The following STPG2 variants were observed in gnomAD, a reference collection of about 807,000 sequenced individuals.
The protein encoded by STPG2 is sperm-tail PG-rich repeat-containing protein 2.
In STPG2, 56 loss-of-function variants were observed where a neutral mutation model predicts 54.2. That is an observed-to-expected ratio of 1.03 (90% CI 0.83 to 1.29). The LOEUF is 1.29. Among genes scored for constraint, STPG2 ranks in the 50% most tolerant of loss-of-function variants. The pLI, the probability that STPG2 is intolerant of heterozygous loss-of-function variation, is 0.00. For synonymous variants in STPG2, 200 were observed against 181.8 expected, an observed-to-expected ratio of 1.10 and a Z score of -0.81; for missense variants, 596 against 544.9, an observed-to-expected ratio of 1.09 and a Z score of -0.93.
intron 7 of STPG2, among the ~76,000 whole-genome samples, chr4:97,969,335 A>G (rs1180531763): frequency 6.6e-6 from 1 of 152,182 alleles, no homozygotes; most frequent in Non-Finnish European, 1.5e-5. Context: ...TTCTGCACAG[A>G]TGTTATGTCA....
At chr4:97,889,156 C>T (rs1444584133) in intron 8 of STPG2, among the ~76,000 whole-genome samples, 1 of 152,092 alleles carries the variant, frequency 6.6e-6, no homozygotes. Flanking sequence ...CACCTATTAT[C>T]AAAAAGGCAA....
intron 10 of STPG2, among the ~76,000 whole-genome samples, chr4:97,583,929 G>A (rs1181383103): frequency 6.6e-6 from 1 of 151,680 alleles, no homozygotes; most frequent in Non-Finnish European, 1.5e-5. Flanking sequence ...AATAGTAGTG[G>A]GGGGCTTCAG....
At chr4:98,113,657 A>G (rs1739423720) in intron 3 of STPG2, among the ~76,000 whole-genome samples, 1 of 151,980 alleles carries the variant, frequency 6.6e-6, no homozygotes, top group Non-Finnish European at 1.5e-5. Context: ...GCACTATCTC[A>G]AAGTAATATA....
At chr4:97,511,248 G>C (rs912141633) in intron 4 of STPG2, among the ~76,000 whole-genome samples, 3 of 151,626 alleles carry the variant, frequency 2.0e-5, no homozygotes, top group Admixed American at 1.3e-4. Context: ...ACAGAAAAGT[G>C]AAAGTAAAAG....
At chr4:97,731,993 G>C (rs1038215296) in intron 9 of STPG2, among the ~76,000 whole-genome samples, 4 of 152,128 alleles carry the variant, frequency 2.6e-5, no homozygotes, top group Admixed American at 1.3e-4. Context: ...GCTCTTATAG[G>C]GGCAGCCAGG....
At chr4:97,865,600 G>A (rs985633044) in intron 8 of STPG2, among the ~76,000 whole-genome samples, 3 of 150,360 alleles carry the variant, frequency 2.0e-5, no homozygotes, top group Non-Finnish European at 4.5e-5. Flanking sequence ...GTATACCCAG[G>A]ACAAAAAACC....
chr4:97,940,097 AT>A (rs533978108), intron 8 of STPG2, among the ~76,000 whole-genome samples: 1 of 152,130 alleles, frequency 6.6e-6, no homozygotes, highest in South Asian at 2.1e-4. Flanking sequence ...TTGGTTGAAG[AT>A]TTTTTCTTTA....
chr4:98,109,980 C>T (rs997380784), intron 3 of STPG2, among the ~76,000 whole-genome samples: 7 of 152,076 alleles, frequency 4.6e-5, no homozygotes, highest in Admixed American at 1.3e-4. Context: ...AACAATAAAG[C>T]ATAACACAAC....
At chr4:97,797,415 C>G (rs1030166081) in intron 9 of STPG2, among the ~76,000 whole-genome samples, 11 of 152,146 alleles carry the variant, frequency 7.2e-5, no homozygotes, top group African/African-American at 2.7e-4. Flanking sequence ...TGAATTTTGT[C>G]AAAGGCCTTT....
chr4:98,020,607 T>C (rs1736147484), intron 5 of STPG2, among the ~76,000 whole-genome samples: 1 of 152,218 alleles, frequency 6.6e-6, no homozygotes, highest in African/African-American at 2.4e-5. Flanking sequence ...CAGCTCCTCC[T>C]TGTACCTCTG....
intron 10 of STPG2, among the ~76,000 whole-genome samples, chr4:97,708,507 G>A (rs1433464612): frequency 6.6e-6 from 1 of 151,824 alleles, no homozygotes; most frequent in Non-Finnish European, 1.5e-5. Context: ...AGCAAGCCTT[G>A]TTTGCCAGTG....
At chr4:97,989,695 T>C (rs1008796818) in intron 5 of STPG2, among the ~76,000 whole-genome samples, 1 of 152,202 alleles carries the variant, frequency 6.6e-6, no homozygotes. Context: ...CTAGCATCAC[T>C]ATTCTTGCAC....
intron 5 of STPG2, among the ~76,000 whole-genome samples, chr4:98,063,787 C>A (rs935292639): frequency 2.0e-5 from 3 of 152,004 alleles, no homozygotes; most frequent in Non-Finnish European, 1.5e-5. Context: ...CACCTGTAAT[C>A]CCAGCACCTT....
At chr4:97,562,491 G>A (rs1490765122) in intron 10 of STPG2, among the ~76,000 whole-genome samples, 1 of 152,134 alleles carries the variant, frequency 6.6e-6, no homozygotes, top group East Asian at 1.9e-4. Context: ...GAATAGGAGT[G>A]GTGAGGGAGG....
chr4:97,454,235 C>T (rs983997212), intron 4 of STPG2, among the ~76,000 whole-genome samples: 5 of 151,888 alleles, frequency 3.3e-5, no homozygotes, highest in Admixed American at 6.6e-5. Context: ...AGGGATTCGC[C>T]GGGCACGGTG....
chr4:97,936,163 C>T (rs1025345779), intron 8 of STPG2, among the ~76,000 whole-genome samples: 106 of 152,052 alleles, frequency 7.0e-4, no homozygotes, highest in Non-Finnish European at 1.3e-3. Flanking sequence ...CCTTTGTTGG[C>T]TTTAAAGTCT....
chr4:97,835,555 A>G (rs975541714), intron 9 of STPG2, among the ~76,000 whole-genome samples: 2 of 152,068 alleles, frequency 1.3e-5, no homozygotes, highest in African/African-American at 4.8e-5. Context: ...TGCACAAGGA[A>G]ATTAGTGTTA....
At chr4:97,870,211 T>G (rs1035887858) in intron 8 of STPG2, among the ~76,000 whole-genome samples, 4 of 151,596 alleles carry the variant, frequency 2.6e-5, no homozygotes, top group Non-Finnish European at 5.9e-5. Flanking sequence ...AAGGAATATC[T>G]AAGCCAAAAG....
chr4:97,676,324 T>C (rs1722842830), intron 10 of STPG2, among the ~76,000 whole-genome samples: 1 of 151,856 alleles, frequency 6.6e-6, no homozygotes, highest in African/African-American at 2.4e-5. Context: ...TCAGCTCCTC[T>C]GCTGGACTAT....
Sources: gnomAD v4.1 joint callset for allele counts (sites outside exome capture counted in the v4.1 genomes callset) on GRCh38, gnomAD v4.1.1 for gene constraint, MANE v1.5 for transcripts, NCBI Gene and HGNC (gene_info 2026-07-23, HGNC 2026-07-21) for gene names.